CLSTN2: variants seen among roughly 807,000 people sequenced by gnomAD.
CLSTN2 encodes the protein calsyntenin-2.
CLSTN2 carries 48 observed loss-of-function variants against 101.2 expected under a neutral mutation model. That is an observed-to-expected ratio of 0.47 (90% CI 0.38 to 0.60). CLSTN2 has a LOEUF of 0.60. Ranked by LOEUF, CLSTN2 falls within the 20% of genes least tolerant of loss-of-function variation. CLSTN2 has a pLI of 0.00. For synonymous variants in CLSTN2, 481 were observed against 463.6 expected, an observed-to-expected ratio of 1.04 and a Z score of -0.48; for missense variants, 1,160 against 1,238.2, an observed-to-expected ratio of 0.94 and a Z score of 0.95.
chr3:140,407,615 C>T (rs2088317922), intron 4 of CLSTN2, among the ~76,000 whole-genome samples: 1 of 152,164 alleles, frequency 6.6e-6, no homozygotes, highest in Non-Finnish European at 1.5e-5. Context: ...TAAATATTTA[C>T]CTGGATGATT....
chr3:140,562,449 G>A (rs963050815), intron 13 of CLSTN2, 141 bp downstream of exon 13: 2 of 841,464 alleles, frequency 2.4e-6, no homozygotes, highest in Non-Finnish European at 3.6e-6. Context: ...CCTCAAGCAT[G>A]GATTTCTAGA....
intron 1 of CLSTN2, among the ~76,000 whole-genome samples, chr3:140,155,427 G>A (rs1272547838): frequency 6.6e-6 from 1 of 152,224 alleles, no homozygotes; most frequent in African/African-American, 2.4e-5. Flanking sequence ...TAGTGCCCAT[G>A]AGCTGAGGAG....
intron 1 of CLSTN2, among the ~76,000 whole-genome samples, chr3:140,124,967 GAC>G (rs2009406205): frequency 6.6e-6 from 1 of 152,172 alleles, no homozygotes; most frequent in African/African-American, 2.4e-5. Context: ...TGACTGTGGT[GAC>G]AGAAACCTGG....
chr3:140,270,341 C>T (rs907780614), intron 2 of CLSTN2, among the ~76,000 whole-genome samples: 2 of 152,196 alleles, frequency 1.3e-5, no homozygotes, highest in African/African-American at 4.8e-5. Context: ...TTCCACCACA[C>T]TCTGCCATGT....
intron 8 of CLSTN2, among the ~76,000 whole-genome samples, chr3:140,502,152 AAAAG>A (rs770680389): frequency 6.6e-6 from 1 of 152,240 alleles, no homozygotes; most frequent in South Asian, 2.1e-4. Context: ...TAAAATAAAA[AAAAG>A]GGAACCTTCT....
intron 1 of CLSTN2, among the ~76,000 whole-genome samples, chr3:139,940,579 A>C (rs1170441808): frequency 6.6e-6 from 1 of 151,894 alleles, no homozygotes; most frequent in Non-Finnish European, 1.5e-5. Context: ...AGCTTTGTTC[A>C]TATCTTTTCT....
At chr3:140,352,401 C>A (rs2107943476) in intron 2 of CLSTN2, among the ~76,000 whole-genome samples, 1 of 152,278 alleles carries the variant, frequency 6.6e-6, no homozygotes, top group Non-Finnish European at 1.5e-5. Context: ...ACAACTCAAT[C>A]TTTCCCTCCA....
chr3:140,377,403 C>T (rs909538497), intron 2 of CLSTN2, among the ~76,000 whole-genome samples: 2 of 152,162 alleles, frequency 1.3e-5, no homozygotes, highest in South Asian at 2.1e-4. Context: ...ACAAGTCCTT[C>T]AGGAGGTATT....
intron 5 of CLSTN2, among the ~76,000 whole-genome samples, chr3:140,442,417 AGC>A (rs1465422103): frequency 2.0e-5 from 3 of 152,166 alleles, no homozygotes; most frequent in African/African-American, 4.8e-5. Context: ...GCCACAGTAA[AGC>A]CTTGTGCCCA....
chr3:140,215,886 T>G (rs1040584904), intron 2 of CLSTN2, among the ~76,000 whole-genome samples: 2 of 152,094 alleles, frequency 1.3e-5, no homozygotes, highest in African/African-American at 4.8e-5. Flanking sequence ...TTAGTTTGGG[T>G]TTTGTTAAGA....
intron 2 of CLSTN2, among the ~76,000 whole-genome samples, chr3:140,260,360 C>T (rs62267963): frequency 0.012 from 1,886 of 151,982 alleles, 13 homozygotes; most frequent in Middle Eastern, 0.017. Flanking sequence ...TTTTCCCAGA[C>T]GCTCTTTATG....
At chr3:140,317,173 T>C (rs1559837278) in intron 2 of CLSTN2, among the ~76,000 whole-genome samples, 1 of 152,114 alleles carries the variant, frequency 6.6e-6, no homozygotes, top group East Asian at 1.9e-4. Context: ...AAAAACAATC[T>C]TCATGAATTA....
intron 1 of CLSTN2, among the ~76,000 whole-genome samples, chr3:140,104,741 A>C (rs529055790): frequency 6.6e-6 from 1 of 152,372 alleles, no homozygotes; most frequent in Admixed American, 6.5e-5. Flanking sequence ...TGGGAGGCCA[A>C]GGCGGGCAGA....
chr3:140,323,182 G>GCAGTGGC, intron 2 of CLSTN2, among the ~76,000 whole-genome samples: 1 of 151,964 alleles, frequency 6.6e-6, no homozygotes, highest in African/African-American at 2.4e-5. Context: ...CCAGCAGTGG[G>GCAGTGGC]TTCCCACAGC....
At chr3:140,441,576 G>A (rs2108004378) in intron 5 of CLSTN2, among the ~76,000 whole-genome samples, 1 of 152,342 alleles carries the variant, frequency 6.6e-6, no homozygotes, top group East Asian at 1.9e-4. Context: ...CAGCTGGTAA[G>A]CAGAGAAGGC....
rs542067133 is a variant in CLSTN2 at position 140,294,386 on chromosome 3, AC to A, written c.233-109242del. The stretch of plus-strand genomic sequence containing the variant: ...TTACTCATGCTACATGCCTACACTG[AC>A]TTTTGCTCCAAGTCTTTTTTACTGG... On this transcript the variant is annotated intron_variant, in intron 2 of 16. Coordinates refer to ENST00000458420, the MANE Select transcript of CLSTN2 (RefSeq NM_022131.3). Among the ~76,000 whole-genome samples the A allele has an allele frequency of 1.9e-3, 286 of 152,300 alleles. 3 individuals carry two copies. The highest frequency in any genetic ancestry group is 6.5e-3 in the African/African-American group (272 of 41,572).
intron 2 of CLSTN2, among the ~76,000 whole-genome samples, chr3:140,343,983 G>A (rs934411224): frequency 6.6e-6 from 1 of 152,116 alleles, no homozygotes; most frequent in African/African-American, 2.4e-5. Context: ...GGCAGTCCCC[G>A]CCCCAAGCCT....
At chr3:140,313,266 C>T (rs1473672281) in intron 2 of CLSTN2, among the ~76,000 whole-genome samples, 3 of 152,154 alleles carry the variant, frequency 2.0e-5, no homozygotes, top group Non-Finnish European at 4.4e-5. Context: ...CATAATAACA[C>T]TGAAAATTAG....
chr3:140,268,038 A>C (rs550966062), intron 2 of CLSTN2, among the ~76,000 whole-genome samples: 1 of 152,314 alleles, frequency 6.6e-6, no homozygotes, highest in East Asian at 1.9e-4. Context: ...AATTGGAGGC[A>C]GAGGAAAAAA....
Sources: allele counts gnomAD v4.1 joint callset (sites outside exome capture counted in the v4.1 genomes callset), GRCh38; gene constraint gnomAD v4.1.1; transcripts MANE v1.5; gene names NCBI Gene and HGNC (gene_info 2026-07-23, HGNC 2026-07-21).